FRMD6: variants seen among roughly 807,000 people sequenced by gnomAD.
The protein encoded by FRMD6 is FERM domain containing 6, also known as FERM domain-containing protein 6.
In FRMD6, 37 loss-of-function variants were observed where a neutral mutation model predicts 73.2. That is an observed-to-expected ratio of 0.51 (90% CI 0.39 to 0.66). FRMD6 has a LOEUF of 0.66. Among genes scored for constraint, FRMD6 ranks in the 30% least tolerant of loss-of-function variants. FRMD6 has a pLI of 0.00. For missense variants in FRMD6, 714 were observed against 780.5 expected (o/e 0.91, Z 1.02); for synonymous variants, 273 against 282.2 (o/e 0.97, Z 0.33).
intron 1 of FRMD6, among the ~76,000 whole-genome samples, chr14:51,548,775 G>A (rs996270407): frequency 5.9e-5 from 9 of 152,102 alleles, no homozygotes; most frequent in African/African-American, 2.2e-4. Flanking sequence ...AACTCTTTCT[G>A]GTGTTCAGAA....
chr14:51,671,245 G>A (rs967570695), intron 1 of FRMD6, among the ~76,000 whole-genome samples: 4 of 151,896 alleles, frequency 2.6e-5, no homozygotes, highest in African/African-American at 7.3e-5. Flanking sequence ...GGGAAATGAT[G>A]GCCTCATAGA....
At chr14:51,589,773 G>T (rs1187427295) in intron 2 of FRMD6, among the ~76,000 whole-genome samples, 1 of 152,150 alleles carries the variant, frequency 6.6e-6, no homozygotes, top group Non-Finnish European at 1.5e-5. Context: ...ATCAATAAAT[G>T]ATCACGTAAA....
intron 2 of FRMD6, among the ~76,000 whole-genome samples, chr14:51,606,976 G>A (rs1428333898): frequency 6.6e-6 from 1 of 152,098 alleles, no homozygotes; most frequent in African/African-American, 2.4e-5. Context: ...GGTGTATCCC[G>A]GTTCCAGCAG....
At chr14:51,659,901 T>C (rs1461355049) in intron 1 of FRMD6, among the ~76,000 whole-genome samples, 1 of 152,228 alleles carries the variant, frequency 6.6e-6, no homozygotes, top group African/African-American at 2.4e-5. Flanking sequence ...AGTTTGAGAT[T>C]TTAAACCATT....
chr14:51,630,922 G>T (rs1694418528), intron 2 of FRMD6, among the ~76,000 whole-genome samples: 2 of 152,062 alleles, frequency 1.3e-5, no homozygotes, highest in South Asian at 4.2e-4. Flanking sequence ...ACACTCTGCT[G>T]CCATATGTAT....
At chr14:51,427,124 G>T in the FRMD6 span, among the ~76,000 whole-genome samples, 1 of 152,076 alleles carries the variant, frequency 6.6e-6, no homozygotes, top group Non-Finnish European at 1.5e-5. Context: ...TTTTCCTTGA[G>T]GCTCAGGACC....
the FRMD6 span, among the ~76,000 whole-genome samples, chr14:51,402,987 A>G: frequency 6.6e-6 from 1 of 152,106 alleles, no homozygotes; most frequent in Non-Finnish European, 1.5e-5. Flanking sequence ...CACCATAGGT[A>G]GGGGACGCAG....
intron 1 of FRMD6, among the ~76,000 whole-genome samples, chr14:51,493,072 T>C (rs2140175413): frequency 6.6e-6 from 1 of 152,330 alleles, no homozygotes. Flanking sequence ...GCTGGGTTTA[T>C]TTAAAACCAC....
chr14:51,509,162 T>C (rs1457114874), intron 1 of FRMD6, among the ~76,000 whole-genome samples: 3 of 152,214 alleles, frequency 2.0e-5, no homozygotes, highest in Admixed American at 6.5e-5. Flanking sequence ...CTTGATACTT[T>C]AATTTTGTCC....
chr14:51,555,408 A>G (rs1334467364), intron 1 of FRMD6, among the ~76,000 whole-genome samples: 1 of 152,230 alleles, frequency 6.6e-6, no homozygotes, highest in East Asian at 1.9e-4. Flanking sequence ...TGATTTTCAC[A>G]ATTGGGCTAT....
chr14:51,551,501 A>G (rs1428167484), intron 1 of FRMD6, among the ~76,000 whole-genome samples: 1 of 152,172 alleles, frequency 6.6e-6, no homozygotes, highest in Non-Finnish European at 1.5e-5. Flanking sequence ...TCGGGAGACC[A>G]AGGTGGTCAG....
the FRMD6 span, among the ~76,000 whole-genome samples, chr14:51,405,396 G>A: frequency 1.2e-4 from 18 of 152,234 alleles, no homozygotes; most frequent in African/African-American, 4.3e-4. Flanking sequence ...TTCATCAACT[G>A]TGTATAAGTG....
intron 4 of FRMD6, among the ~76,000 whole-genome samples, chr14:51,701,839 A>G (rs1473424554): frequency 6.6e-6 from 1 of 151,826 alleles, no homozygotes; most frequent in Non-Finnish European, 1.5e-5. Flanking sequence ...AGTTATTACT[A>G]ATTTTTAAAT....
chr14:51,603,526 G>A (rs549741624), intron 2 of FRMD6, among the ~76,000 whole-genome samples: 10 of 151,836 alleles, frequency 6.6e-5, no homozygotes, highest in East Asian at 3.9e-4. Context: ...AATACATAAC[G>A]AAAAACTTTC....
chr14:51,436,931 G>A, the FRMD6 span: 1 of 1,017,088 alleles, frequency 9.8e-7, no homozygotes, highest in Non-Finnish European at 1.4e-6. Flanking sequence ...TGATGAAGGG[G>A]AGGGAGAGGA....
rs118135834 is a variant in FRMD6, at chr14:51,504,685, A to G, written c.-210+15265A>G. Among the ~76,000 whole-genome samples the G allele has an allele frequency of 2.6e-4, 40 of 152,244 alleles. No individual in the cohort carries two copies. In the East Asian group the frequency reaches 7.3e-3, roughly 28 times the overall value. On this transcript the variant is annotated intron_variant, in intron 1 of 14. Coordinates refer to the FRMD6 transcript ENST00000356218. ...GATCCTGCTACTGCTACCTGGTAACACAGCTCTGTCTGGGCCCAGAGAATC... is the reference window on the plus strand; with the variant it reads ...GATCCTGCTACTGCTACCTGGTAACGCAGCTCTGTCTGGGCCCAGAGAATC...
intron 2 of FRMD6, among the ~76,000 whole-genome samples, chr14:51,627,189 G>A (rs901909896): frequency 4.6e-5 from 7 of 152,300 alleles, no homozygotes; most frequent in Non-Finnish European, 8.8e-5. Flanking sequence ...GTGACTGGAT[G>A]AAGTTGAAAG....
the FRMD6 span, among the ~76,000 whole-genome samples, chr14:51,403,099 A>G: frequency 2.0e-5 from 3 of 152,194 alleles, no homozygotes; most frequent in African/African-American, 7.2e-5. Context: ...ATGATGCTTG[A>G]TGGTATTTTC....
At chr14:51,423,402 G>C in the FRMD6 span, among the ~76,000 whole-genome samples, 75,446 of 152,006 alleles carry the variant, frequency 0.5, 19,372 homozygotes, top group East Asian at 0.7. Context: ...CTTCTTCTCA[G>C]CTTGCGTGTA....
Sources: allele counts gnomAD v4.1 joint callset (sites outside exome capture counted in the v4.1 genomes callset), GRCh38; gene constraint gnomAD v4.1.1; transcripts MANE v1.5; gene names NCBI Gene and HGNC (gene_info 2026-07-23, HGNC 2026-07-21).